The following GREM1 variants were observed in gnomAD, a reference collection of about 807,000 sequenced individuals.
GREM1 encodes the protein gremlin-1.
A neutral mutation model predicts 13.1 loss-of-function variants in GREM1; 6 were observed. The ratio of observed to expected loss-of-function variants is 0.46; its 90% confidence interval spans 0.25 to 0.91. The LOEUF (loss-of-function observed/expected upper bound fraction) is 0.91, where lower values mean the gene tolerates loss of function less well. GREM1 is among the 40% of genes least tolerant of loss of function. The probability of loss-of-function intolerance (pLI) is 0.18; values close to 1 mark genes in which losing one functional copy is unlikely to be tolerated. For synonymous variants in GREM1, 98 were observed against 93.7 expected (o/e 1.05, Z -0.27); for missense variants, 185 against 233.9 (o/e 0.79, Z 1.36).
In GREM1 at chr15:32,739,721, C is replaced by T. The variant is rs2055745249; in HGVS notation, c.*8476C>T. On this transcript the variant is annotated 3_prime_UTR_variant, in exon 2 of 2. Coordinates refer to ENST00000651154, the MANE Select transcript of GREM1 (RefSeq NM_013372.7). ...CCTGCACTCCCAGCAAATGCAAAAA[C>T]CAGACTCACCAAAGCTGGTAGAGAG... 1 of 152,250 alleles carries T rather than the reference C, an allele frequency of 6.6e-6. No homozygotes were observed. Among genetic ancestry groups the T allele is most frequent in the Admixed American group, 6.5e-5 (1 of 15,278 alleles). 9.4% of individuals were successfully genotyped at this position (152,250 alleles called of 1,614,324 possible).
intron 1 of GREM1, among the ~76,000 whole-genome samples, chr15:32,722,728 C>T (rs891372531): frequency 3.9e-5 from 6 of 152,070 alleles, no homozygotes; most frequent in African/African-American, 1.4e-4. Context: ...AGAGGACCTG[C>T]TTTGAGAGTA....
Position 32,732,607 on chromosome 15 carries a change from G to T in GREM1, c.*1362G>T. On this transcript the variant is annotated 3_prime_UTR_variant, in exon 2 of 2. Transcript: ENST00000651154. ...CTCCCTTTCTTTATGTGCTCACTGA[G>T]GATCTGAGGGGACCCTGTTAGGAGA... 1 of 245,096 alleles carries T rather than the reference G, an allele frequency of 4.1e-6. No homozygotes were observed. 15.2% of individuals were successfully genotyped at this position (245,096 alleles called of 1,614,324 possible).
chr15:32,730,615 G>C lies in GREM1; in HGVS notation c.-1-75G>C, dbSNP rs1323996774. On this transcript the variant is annotated intron_variant, in intron 1 of 1. Transcript: ENST00000651154. ...GTTTAACGGTGCGTTTAAATGCTAG[G>C]TGCTATTATTATTAATTTTTAAATT... 3.0e-6 allele frequency: 3 copies of C among 988,218 alleles called. No individual in the cohort carries two copies. The Admixed American group carries it at 8.0e-5, about 26-fold the overall frequency. 61.2% of individuals were successfully genotyped at this position (988,218 alleles called of 1,614,324 possible).
At position 32,731,073 on chromosome 15, in the gene GREM1, C is replaced by T; in HGVS notation, c.383C>T (p.Pro128Leu). 1 of 1,614,220 alleles carries T rather than the reference C, an allele frequency of 6.2e-7. No homozygotes were observed. Among genetic ancestry groups the T allele is most frequent in the Non-Finnish European group, 8.5e-7 (1 of 1,180,026 alleles). Residue 128 changes from proline (P) to leucine (L), a missense_variant, in exon 2 of 2, where the codon CCC (proline) becomes CTC (leucine). Coordinates refer to ENST00000651154, the MANE Select transcript of GREM1 (RefSeq NM_013372.7). ...GGCCAGTGCAACTCTTTCTACATCC[C>T]CAGGCACATCCGGAAGGAGGAAGGT... ...CYGQCNSFYIPRHIRKEEGSF... is the reference protein window; with the variant it reads ...CYGQCNSFYILRHIRKEEGSF...
Position 32,718,535 on chromosome 15 carries a change from G to A in GREM1, c.-2+374G>A, listed in dbSNP as rs2293581. ...AAGTCCAGGCCGCCAGAGCGCAGGA[G>A]CATCCGGACCTGCTAGTCGGCCGCT... On this transcript the variant is annotated intron_variant, in intron 1 of 1. Coordinates refer to ENST00000651154, the MANE Select transcript of GREM1 (RefSeq NM_013372.7). 0.25 allele frequency: 111,834 copies of A among 454,108 alleles called. 16,118 individuals carry two copies. The highest frequency in any genetic ancestry group is 0.69 in the East Asian group (10,103 of 14,678). 28.1% of individuals were successfully genotyped at this position (454,108 alleles called of 1,614,324 possible).
rs1053230445 is a variant in GREM1, at chr15:32,741,600, G to A, written c.*10355G>A. 3.9e-5 allele frequency: 6 copies of A among 151,974 alleles called. No individual in the cohort carries two copies. Among genetic ancestry groups the A allele is most frequent in the African/African-American group, 1.2e-4 (5 of 41,414 alleles). 9.4% of individuals were successfully genotyped at this position (151,974 alleles called of 1,614,324 possible). ...AGTCTTTAGGGTTTTCTATGTATAA[G>A]ATTATGTCATCTGCAAACAGCAACA... On this transcript the variant is annotated 3_prime_UTR_variant, in exon 2 of 2. Coordinates refer to ENST00000651154, the MANE Select transcript of GREM1 (RefSeq NM_013372.7).
intron 1 of GREM1, among the ~76,000 whole-genome samples, chr15:32,726,680 C>T (rs1016306616): frequency 2.5e-4 from 36 of 146,352 alleles, no homozygotes; most frequent in African/African-American, 9.0e-4. Flanking sequence ...ACACAAAAAA[C>T]CCTTCAAAAA....
chr15:32,731,392 C>G lies in GREM1; in HGVS notation c.*147C>G, dbSNP rs1241738674. 2 of 649,426 alleles carry G rather than the reference C, an allele frequency of 3.1e-6. No individual in the cohort carries two copies. Among genetic ancestry groups the G allele is most frequent in the African/African-American group, 3.7e-5 (2 of 54,466 alleles). The allele number at this position is 649,426 out of a possible 1,614,324, so 40.2% of individuals were successfully genotyped here. A position where few individuals can be genotyped will look rare whatever the true frequency, so the allele number is the denominator to read the frequency against. ...GGCAGGAGCCTGCTTGTGCGTAGTT[C>G]GTGTGCATGAGTGTGGATGGGTGCC... On this transcript the variant is annotated 3_prime_UTR_variant, in exon 2 of 2. Coordinates refer to ENST00000651154, the MANE Select transcript of GREM1 (RefSeq NM_013372.7).
chr15:32,739,228 G>A lies in GREM1; in HGVS notation c.*7983G>A, dbSNP rs1479155683. 2.6e-5 allele frequency: 4 copies of A among 152,128 alleles called. No individual in the cohort carries two copies. The highest frequency in any genetic ancestry group is 9.7e-5 in the African/African-American group (4 of 41,424). 9.4% of individuals were successfully genotyped at this position (152,128 alleles called of 1,614,324 possible). Reference sequence around the variant, plus strand: ...AAATACCCCTGTAATTACCATTAGGGGAAGAAATTTTTCCATGCTTCACAG... The same window carrying A: ...AAATACCCCTGTAATTACCATTAGGAGAAGAAATTTTTCCATGCTTCACAG... On this transcript the variant is annotated 3_prime_UTR_variant, in exon 2 of 2. Coordinates refer to ENST00000651154, the MANE Select transcript of GREM1 (RefSeq NM_013372.7).
Position 32,739,211 on chromosome 15 carries a change from CT to C in GREM1, c.*7967del, listed in dbSNP as rs1240601858. 2 of 152,220 alleles carry C rather than the reference CT, an allele frequency of 1.3e-5. No homozygotes were observed. The highest frequency in any genetic ancestry group is 2.9e-5 in the Non-Finnish European group (2 of 68,042). 9.4% of individuals were successfully genotyped at this position (152,220 alleles called of 1,614,324 possible). ...AAGAATTGTTGTAAGGCAAATACCC[CT>C]GTAATTACCATTAGGGGAAGAAATT... On this transcript the variant is annotated 3_prime_UTR_variant, in exon 2 of 2. Coordinates refer to ENST00000651154, the MANE Select transcript of GREM1 (RefSeq NM_013372.7).
At chr15:32,728,257 C>T (rs1263273927) in intron 1 of GREM1, among the ~76,000 whole-genome samples, 4 of 152,078 alleles carry the variant, frequency 2.6e-5, no homozygotes, top group Non-Finnish European at 5.9e-5. Context: ...GCTACAGTAA[C>T]AAAAACAGCA....
rs1200026321 is a variant in GREM1, at chr15:32,732,495, A to G, written c.*1250A>G. On this transcript the variant is annotated 3_prime_UTR_variant, in exon 2 of 2. Coordinates refer to ENST00000651154, the MANE Select transcript of GREM1 (RefSeq NM_013372.7). Reference sequence around the variant, plus strand: ...GTCAGGAGATTGGGCTAAAGAGAAGACGACGAGAGTAAGGAAATAAAGGGA... The same window carrying G: ...GTCAGGAGATTGGGCTAAAGAGAAGGCGACGAGAGTAAGGAAATAAAGGGA... 1.2e-5 allele frequency: 3 copies of G among 245,644 alleles called. No individual in the cohort carries two copies. Among genetic ancestry groups the G allele is most frequent in the African/African-American group, 2.2e-5 (1 of 45,216 alleles). The allele number at this position is 245,644 out of a possible 1,614,324, so 15.2% of individuals were successfully genotyped here. A position where few individuals can be genotyped will look rare whatever the true frequency, so the allele number is the denominator to read the frequency against.
intron 1 of GREM1, 60 bp downstream of exon 1, chr15:32,718,221 A>C (rs2055328280): frequency 2.4e-6 from 3 of 1,248,696 alleles, no homozygotes; most frequent in Non-Finnish European, 3.2e-6. Flanking sequence ...GCCGCAAACC[A>C]ACCCAGGACC....
chr15:32,735,262 CTGA>C lies in GREM1; in HGVS notation c.*4022_*4024del, dbSNP rs1225917542. 6.6e-6 allele frequency: 1 copy of C among 152,108 alleles called. No individual in the cohort carries two copies. The highest frequency in any genetic ancestry group is 3.2e-3 in the Middle Eastern group (1 of 314). The allele number at this position is 152,108 out of a possible 1,614,324, so 9.4% of individuals were successfully genotyped here. On this transcript the variant is annotated 3_prime_UTR_variant, in exon 2 of 2. Transcript: ENST00000651154. ...AAGATTTCTATTAGGTATGGGTGCT[CTGA>C]TGATAATGAAAATCCCAGCAGCTAT... is the stretch of plus-strand genomic sequence containing the variant.
rs2055721732 is a variant in GREM1 at position 32,738,094 on chromosome 15, A to AC, written c.*6849_*6850insC. 8.7e-5 allele frequency: 5 copies of AC among 57,434 alleles called. No individual in the cohort carries two copies. In the South Asian group the frequency reaches 1.4e-3, roughly 16 times the overall value. The allele number at this position is 57,434 out of a possible 1,614,324, so 3.6% of individuals were successfully genotyped here. A position where few individuals can be genotyped will look rare whatever the true frequency, so the allele number is the denominator to read the frequency against. ...CTAGGGTAATTAGGCAAAAAAAAAA[A>AC]AAAAAAAAAAAAAAAAAAAAAAAAA... On this transcript the variant is annotated 3_prime_UTR_variant, in exon 2 of 2. Transcript: ENST00000651154.
chr15:32,734,794 C>T lies in GREM1; in HGVS notation c.*3549C>T. The T allele has an allele frequency of 5.3e-6, 1 of 188,618 alleles. No individual in the cohort carries two copies. Among genetic ancestry groups the T allele is most frequent in the Non-Finnish European group, 1.1e-5 (1 of 89,294 alleles). The allele number at this position is 188,618 out of a possible 1,614,324, so 11.7% of individuals were successfully genotyped here. On this transcript the variant is annotated 3_prime_UTR_variant, in exon 2 of 2. Transcript: ENST00000651154. ...CCTGTGATCTTTGGTGGAATTTATT[C>T]CTTTTGCCTAGGCCTTTCAGACCCT...
rs1265399021 is a variant in GREM1, at chr15:32,735,503, T to C, written c.*4258T>C. On this transcript the variant is annotated 3_prime_UTR_variant, in exon 2 of 2. Coordinates refer to ENST00000651154, the MANE Select transcript of GREM1 (RefSeq NM_013372.7). ...TTCTTTTAAGAACATAACACAGCAC[T>C]CTAAAAATAGATCTAACTAGATTGT... 2.0e-5 allele frequency: 3 copies of C among 152,180 alleles called. No homozygotes were observed. Among genetic ancestry groups the C allele is most frequent in the Non-Finnish European group, 2.9e-5 (2 of 68,032 alleles). The allele number at this position is 152,180 out of a possible 1,614,324, so 9.4% of individuals were successfully genotyped here. A position where few individuals can be genotyped will look rare whatever the true frequency, so the allele number is the denominator to read the frequency against.
rs564693696 is a variant in GREM1, at chr15:32,743,009, C to T, written c.*11764C>T. On this transcript the variant is annotated 3_prime_UTR_variant, in exon 2 of 2. Coordinates refer to ENST00000651154, the MANE Select transcript of GREM1 (RefSeq NM_013372.7). Reference sequence around the variant, plus strand: ...CACAGGTAATAAAAACAAAAATAGACAAATGGGACTACCTCAAATTAAAAT... The same window carrying T: ...CACAGGTAATAAAAACAAAAATAGATAAATGGGACTACCTCAAATTAAAAT... 3.3e-5 allele frequency: 5 copies of T among 152,260 alleles called. No homozygotes were observed. The highest frequency in any genetic ancestry group is 1.2e-4 in the African/African-American group (5 of 41,560). 9.4% of individuals were successfully genotyped at this position (152,260 alleles called of 1,614,324 possible).
In GREM1 at chr15:32,734,098, G is replaced by A. The variant is rs1261258612; in HGVS notation, c.*2853G>A. The stretch of plus-strand genomic sequence containing the variant: ...TGGGCAAAGAAGAAGCTGACACACC[G>A]TATGTTGTTAGAGTCTTTTATCTGG... On this transcript the variant is annotated 3_prime_UTR_variant, in exon 2 of 2. Transcript: ENST00000651154. 4.1e-5 allele frequency: 10 copies of A among 242,554 alleles called. No homozygotes were observed. Among genetic ancestry groups the A allele is most frequent in the East Asian group, 2.5e-4 (4 of 15,772 alleles). 15.0% of individuals were successfully genotyped at this position (242,554 alleles called of 1,614,324 possible).
Sources: gnomAD v4.1 joint callset for allele counts (sites outside exome capture counted in the v4.1 genomes callset) on GRCh38, gnomAD v4.1.1 for gene constraint, MANE v1.5 for transcripts, NCBI Gene and HGNC (gene_info 2026-07-23, HGNC 2026-07-21) for gene names.